WFDC1: variants seen among roughly 807,000 people sequenced by gnomAD.
WFDC1 encodes WAP four-disulfide core domain 1.
WFDC1 carries 39 observed loss-of-function variants against 32.9 expected under a neutral mutation model. That is an observed-to-expected ratio of 1.19 (90% CI 0.92 to 1.55). The LOEUF (loss-of-function observed/expected upper bound fraction) is 1.55, where lower values mean the gene tolerates loss of function less well. Ranked by LOEUF, WFDC1 falls within the 40% of genes most tolerant of loss-of-function variation. The pLI is 0.00. For missense variants in WFDC1, 386 were observed against 309.5 expected (o/e 1.25, Z -1.85); for synonymous variants, 184 against 137.4 (o/e 1.34, Z -2.37).
intron 2 of WFDC1, among the ~76,000 whole-genome samples, chr16:84,315,433 C>G (rs549956389): frequency 6.6e-6 from 1 of 152,354 alleles, no homozygotes; most frequent in Admixed American, 6.5e-5. Context: ...GCTGTAACCC[C>G]AGCATCTAAA....
intron 6 of WFDC1, chr16:84,328,510 G>C (rs1908734579): frequency 6.6e-6 from 1 of 152,222 alleles, no homozygotes; most frequent in Non-Finnish European, 1.5e-5. Flanking sequence ...ACTGATGCCA[G>C]CACGTCTGTT....
chr16:84,308,836 A>G (rs1379732955), intron 1 of WFDC1, among the ~76,000 whole-genome samples: 2 of 113,812 alleles, frequency 1.8e-5, no homozygotes, highest in Non-Finnish European at 4.0e-5. Context: ...TGTAGATGCC[A>G]GCCTGGGTGT....
At chr16:84,322,949 G>A (rs1217108082) in intron 4 of WFDC1, among the ~76,000 whole-genome samples, 1 of 152,174 alleles carries the variant, frequency 6.6e-6, no homozygotes, top group Non-Finnish European at 1.5e-5. Context: ...AAAGTGACGA[G>A]TAATCATTTT....
intron 4 of WFDC1, among the ~76,000 whole-genome samples, chr16:84,321,855 C>T (rs990793130): frequency 3.3e-5 from 5 of 152,196 alleles, no homozygotes; most frequent in South Asian, 2.1e-4. Context: ...TTTCTTCCTC[C>T]GTGGCCTTGA....
chr16:84,306,192 C>T (rs1450553827), intron 1 of WFDC1, among the ~76,000 whole-genome samples: 8 of 152,060 alleles, frequency 5.3e-5, no homozygotes, highest in South Asian at 2.1e-4. Context: ...CGCTCAGATA[C>T]GTTAGTGATT....
intron 4 of WFDC1, 137 bp downstream of exon 4, chr16:84,319,708 T>A: frequency 8.6e-7 from 1 of 1,163,018 alleles, no homozygotes; most frequent in South Asian, 1.6e-5. Flanking sequence ...TCCTCACATC[T>A]TCCCCCTGCC....
intron 1 of WFDC1, among the ~76,000 whole-genome samples, chr16:84,299,155 G>A (rs963566292): frequency 3.3e-5 from 5 of 152,086 alleles, no homozygotes; most frequent in African/African-American, 1.2e-4. Flanking sequence ...GAGGTCGGGA[G>A]TTCAAAACCA....
In WFDC1 at chr16:84,301,600, A is replaced by C. The variant is rs1906939865; in HGVS notation, c.144+6485A>C. Among the ~76,000 whole-genome samples, 4 of 152,254 alleles carry C rather than the reference A, an allele frequency of 2.6e-5. No individual in the cohort carries two copies. The South Asian group carries it at 8.3e-4, about 32-fold the overall frequency. ...CAGCAGCACCCAGGAGGGGGTCTTC[A>C]AGGCTCATGGTTGAGAACCCCAGAA... On this transcript the variant is annotated intron_variant, in intron 1 of 6. Transcript: ENST00000219454.
chr16:84,304,569 G>A (rs929946393), intron 1 of WFDC1, among the ~76,000 whole-genome samples: 2 of 152,172 alleles, frequency 1.3e-5, no homozygotes, highest in Admixed American at 6.5e-5. Context: ...GAACCGGAGG[G>A]TTCTTGTCTA....
intron 1 of WFDC1, among the ~76,000 whole-genome samples, chr16:84,305,132 G>C (rs1004493775): frequency 1.3e-5 from 2 of 152,198 alleles, no homozygotes; most frequent in African/African-American, 4.8e-5. Context: ...AGCCCCAGAG[G>C]GTGATACTGA....
At chr16:84,297,347 G>C (rs1906656744) in intron 1 of WFDC1, among the ~76,000 whole-genome samples, 1 of 152,214 alleles carries the variant, frequency 6.6e-6, no homozygotes, top group African/African-American at 2.4e-5. Flanking sequence ...GCCAGGCACG[G>C]TGGCTCATGC....
At chr16:84,324,885 A>G (rs1336616521) in intron 5 of WFDC1, among the ~76,000 whole-genome samples, 3 of 151,748 alleles carry the variant, frequency 2.0e-5, no homozygotes, top group Non-Finnish European at 4.4e-5. Flanking sequence ...CCACCGATTC[A>G]TCCATCCATC....
At chr16:84,303,172 A>G (rs962079003) in intron 1 of WFDC1, among the ~76,000 whole-genome samples, 1 of 152,054 alleles carries the variant, frequency 6.6e-6, no homozygotes, top group Non-Finnish European at 1.5e-5. Flanking sequence ...CCGGGGAGCG[A>G]CATATTTTTA....
intron 1 of WFDC1, among the ~76,000 whole-genome samples, chr16:84,305,457 G>C (rs1206671321): frequency 6.6e-6 from 1 of 152,182 alleles, no homozygotes; most frequent in Non-Finnish European, 1.5e-5. Context: ...AAATGATGAG[G>C]TTATATCCAA....
intron 6 of WFDC1, chr16:84,328,910 A>G (rs1439611264): frequency 6.6e-6 from 1 of 151,892 alleles, no homozygotes; most frequent in African/African-American, 2.4e-5. Context: ...CCATGTTTGC[A>G]CCATTGCACT....
At chr16:84,295,452 C>G (rs389336) in intron 1 of WFDC1, 1 of 469,250 alleles carries the variant, frequency 2.1e-6, no homozygotes, top group East Asian at 3.3e-5. Context: ...TTCCGTCTCC[C>G]TGATCAGTAC....
Position 84,326,079 on chromosome 16 carries a change from A to G in WFDC1, c.605-803A>G, listed in dbSNP as rs1369936180. ...CATCCATCTATCCATCCATCCATAT[A>G]TCCATCCGTCCATCCACCCACCCAT... On this transcript the variant is annotated intron_variant, in intron 5 of 6. Coordinates refer to ENST00000219454, the MANE Select transcript of WFDC1 (RefSeq NM_021197.4). 3.7e-5 allele frequency: 5 copies of G among 133,966 alleles called. No homozygotes were observed. In the Admixed American group the frequency reaches 4.0e-4, roughly 11 times the overall value. The allele number at this position is 133,966 out of a possible 1,614,324, so 8.3% of individuals were successfully genotyped here.
intron 1 of WFDC1, chr16:84,297,022 C>G (rs1403912625): frequency 6.6e-6 from 1 of 152,190 alleles, no homozygotes; most frequent in Non-Finnish European, 1.5e-5. Flanking sequence ...CACTTTGGTT[C>G]TACAACCATA....
intron 4 of WFDC1, among the ~76,000 whole-genome samples, chr16:84,323,326 T>G (rs1388127476): frequency 6.6e-6 from 1 of 152,220 alleles, no homozygotes. Flanking sequence ...TGATTAACCT[T>G]ATAGCAGAAA....
Sources: gnomAD v4.1 joint callset for allele counts (sites outside exome capture counted in the v4.1 genomes callset) on GRCh38, gnomAD v4.1.1 for gene constraint, MANE v1.5 for transcripts, NCBI Gene and HGNC (gene_info 2026-07-23, HGNC 2026-07-21) for gene names.